The following SCD5 variants were observed in gnomAD, a reference collection of about 807,000 sequenced individuals.
SCD5 encodes the protein stearoyl-CoA desaturase 5, also known as acyl-CoA-desaturase 4.
A neutral mutation model predicts 30.4 loss-of-function variants in SCD5; 20 were observed. The observed-to-expected ratio is 0.66, with a 90% CI of 0.46 to 0.96. The LOEUF (loss-of-function observed/expected upper bound fraction) is 0.96. Among genes scored for constraint, SCD5 ranks in the 40% least tolerant of loss-of-function variants. The pLI is 0.00. For missense variants in SCD5, 381 were observed against 443.3 expected, an observed-to-expected ratio of 0.86 and a Z score of 1.26; for synonymous variants, 173 against 176.4, an observed-to-expected ratio of 0.98 and a Z score of 0.16.
chr4:82,648,961 A>T (rs1474447481), intron 3 of SCD5, among the ~76,000 whole-genome samples: 1 of 152,174 alleles, frequency 6.6e-6, no homozygotes, highest in Non-Finnish European at 1.5e-5. Context: ...GATTCCATGC[A>T]AAAATGTATA....
In SCD5 at chr4:82,679,803, T is replaced by G. The variant is rs562224615; in HGVS notation, c.569+904A>C. Among the ~76,000 whole-genome samples the G allele has an allele frequency of 1.6e-4, 24 of 152,316 alleles. No homozygotes were observed. In the East Asian group the frequency reaches 2.3e-3, roughly 15 times the overall value. ...CCTTCCTTTCATGCAAAGATTCTTG[T>G]GTTGAACAAAGGCATAGCCTCCATG... On this transcript the variant is annotated intron_variant, in intron 3 of 4. Transcript: ENST00000319540.
intron 3 of SCD5, among the ~76,000 whole-genome samples, chr4:82,639,503 C>T (rs758443018): frequency 7.2e-5 from 11 of 152,262 alleles, no homozygotes; most frequent in Admixed American, 3.3e-4. Flanking sequence ...GCATTGGCCT[C>T]AGGGAGCCCC....
chr4:82,661,955 G>A (rs899144811), intron 3 of SCD5, among the ~76,000 whole-genome samples: 19 of 152,282 alleles, frequency 1.2e-4, no homozygotes, highest in African/African-American at 3.9e-4. Flanking sequence ...ACGTGGGGAC[G>A]TTTCCACTGT....
At chr4:82,695,387 G>T (rs1165259627) in intron 2 of SCD5, among the ~76,000 whole-genome samples, 4 of 151,342 alleles carry the variant, frequency 2.6e-5, no homozygotes, top group Admixed American at 2.6e-4. Context: ...GAAAAAAGTT[G>T]ATCTTGAACT....
Position 82,640,073 on chromosome 4 carries a change from C to T in SCD5, c.570-3250G>A, listed in dbSNP as rs186823502. 3.0e-4 allele frequency among the ~76,000 whole-genome samples: 46 copies of T among 152,280 alleles called. No homozygotes were observed. In the East Asian group the frequency reaches 6.8e-3, roughly 22 times the overall value. On this transcript the variant is annotated intron_variant, in intron 3 of 4. Coordinates refer to ENST00000319540, the MANE Select transcript of SCD5 (RefSeq NM_001037582.3). ...GGCCTCCCAGGGAGAGGCCGAGGCC[C>T]GCTCTGGCTCCTGCTCTCTGACCCC...
chr4:82,660,425 C>A lies in SCD5; in HGVS notation c.569+20282G>T. ...AATGATAGCTTAAACTCCTCTTAAT[C>A]ACTTTTGACTTACAAAAATAATCAA... On this transcript the variant is annotated intron_variant, in intron 3 of 4. Coordinates refer to ENST00000319540, the MANE Select transcript of SCD5 (RefSeq NM_001037582.3). The A allele has an allele frequency of 3.6e-6, 3 of 822,376 alleles. No individual in the cohort carries two copies. In the South Asian group the frequency reaches 1.6e-4, roughly 45 times the overall value. 50.9% of individuals were successfully genotyped at this position (822,376 alleles called of 1,614,324 possible).
At chr4:82,719,119 AATTTCAAATTTTAAAATCTC>A (rs1304085856) in intron 1 of SCD5, among the ~76,000 whole-genome samples, 1 of 151,740 alleles carries the variant, frequency 6.6e-6, no homozygotes, top group East Asian at 1.9e-4. Context: ...AAAAATAGGG[AATTTCAAATTTTAAAATCTC>A]TTTTTCTGGC....
chr4:82,655,628 A>G (rs1727853944), intron 3 of SCD5, among the ~76,000 whole-genome samples: 1 of 152,232 alleles, frequency 6.6e-6, no homozygotes. Context: ...CAGCAGGAAG[A>G]ATTCTTAAGG....
chr4:82,692,065 TCAC>T (rs923423289), intron 2 of SCD5: 2 of 152,564 alleles, frequency 1.3e-5, no homozygotes, highest in African/African-American at 4.8e-5. Flanking sequence ...CCTTGGATCT[TCAC>T]CACTCCTGGC....
chr4:82,645,452 G>T (rs191499821), intron 3 of SCD5, among the ~76,000 whole-genome samples: 1 of 152,204 alleles, frequency 6.6e-6, no homozygotes, highest in East Asian at 1.9e-4. Context: ...AAACATAAAG[G>T]CAAAAGCAGT....
At chr4:82,637,881 T>G (rs1727466443) in intron 3 of SCD5, among the ~76,000 whole-genome samples, 3 of 152,104 alleles carry the variant, frequency 2.0e-5, no homozygotes, top group Admixed American at 1.3e-4. Context: ...TTTTAAAAAT[T>G]TTTAAGTCCC....
rs1218687266 is a variant in SCD5 at position 82,665,072 on chromosome 4, ATATAT to A, written c.569+15630_569+15634del. ...TATATACACACACACATATATATAT[ATATAT>A]TTTTTTTTTAATTTAATCAGGCATG... is the stretch of plus-strand genomic sequence containing the variant. On this transcript the variant is annotated intron_variant, in intron 3 of 4. Coordinates refer to ENST00000319540, the MANE Select transcript of SCD5 (RefSeq NM_001037582.3). Among the ~76,000 whole-genome samples, 12 of 14,688 alleles carry A rather than the reference ATATAT, an allele frequency of 8.2e-4. No individual in the cohort carries two copies. The East Asian group carries it at 0.14, about 167-fold the overall frequency. 9.6% of individuals were successfully genotyped at this position (14,688 alleles called of 152,430 possible).
intron 1 of SCD5, among the ~76,000 whole-genome samples, chr4:82,713,541 A>G (rs541532212): frequency 6.2e-4 from 95 of 152,334 alleles, no homozygotes; most frequent in Non-Finnish European, 1.0e-3. Flanking sequence ...GTGTTAACCA[A>G]TACAGCAATT....
At chr4:82,693,948 A>C (rs1471292305) in intron 2 of SCD5, among the ~76,000 whole-genome samples, 1 of 152,234 alleles carries the variant, frequency 6.6e-6, no homozygotes, top group East Asian at 1.9e-4. Flanking sequence ...GGTGGCCTCC[A>C]GTCACAAGAG....
intron 1 of SCD5, among the ~76,000 whole-genome samples, chr4:82,791,449 G>T (rs1288676232): frequency 1.3e-5 from 2 of 152,094 alleles, no homozygotes; most frequent in African/African-American, 4.8e-5. Flanking sequence ...CCAGGACCAG[G>T]GCTTCCTGAT....
intron 1 of SCD5, among the ~76,000 whole-genome samples, chr4:82,757,814 T>C (rs1247911112): frequency 3.9e-5 from 6 of 152,208 alleles, no homozygotes; most frequent in Non-Finnish European, 5.9e-5. Context: ...CTAAGCCCTA[T>C]ATAAACTTCA....
At chr4:82,795,834 A>AAAAAAAAAAC (rs1722200338) in intron 1 of SCD5, among the ~76,000 whole-genome samples, 1 of 150,614 alleles carries the variant, frequency 6.6e-6, no homozygotes, top group African/African-American at 2.5e-5. Context: ...AAAAAAAAAA[A>AAAAAAAAAAC]AGCAGCAGAG....
At chr4:82,778,707 T>G (rs72909700) in intron 1 of SCD5, among the ~76,000 whole-genome samples, 6,814 of 152,256 alleles carry the variant, frequency 0.045, 503 homozygotes, top group African/African-American at 0.15. Flanking sequence ...CTATGATAAC[T>G]GAAGGAACCA....
chr4:82,747,475 C>T (rs1410712810), intron 1 of SCD5, among the ~76,000 whole-genome samples: 1 of 152,210 alleles, frequency 6.6e-6, no homozygotes, highest in Admixed American at 6.5e-5. Context: ...TCCAGCTCTA[C>T]CACATATTAA....
Sources: gnomAD v4.1 joint callset for allele counts (sites outside exome capture counted in the v4.1 genomes callset) on GRCh38, gnomAD v4.1.1 for gene constraint, MANE v1.5 for transcripts, NCBI Gene and HGNC (gene_info 2026-07-23, HGNC 2026-07-21) for gene names.